Variants in PRIM2 observed in about 807,000 individuals in gnomAD.
The protein encoded by PRIM2 is DNA primase subunit 2, also known as DNA primase large subunit.
Under a neutral mutation model 67.3 loss-of-function variants are expected in PRIM2, and 39 were observed. The ratio of observed to expected loss-of-function variants is 0.58; its 90% CI spans 0.45 to 0.76. The LOEUF is 0.76. Ranked by LOEUF, PRIM2 falls within the 30% of genes least tolerant of loss-of-function variation. PRIM2 has a pLI of 0.00. For missense variants in PRIM2, 398 were observed against 598.7 expected, an observed-to-expected ratio of 0.66 and a Z score of 3.50; for synonymous variants, 143 against 198.7, an observed-to-expected ratio of 0.72 and a Z score of 2.36.
intron 12 of PRIM2, among the ~76,000 whole-genome samples, chr6:57,620,912 A>G (rs1776841187): frequency 6.6e-6 from 1 of 152,294 alleles, no homozygotes; most frequent in Non-Finnish European, 1.5e-5. Flanking sequence ...TGGACACTGA[A>G]AGCAAGCAGG....
At chr6:57,641,979 C>T (rs1488335153) in intron 13 of PRIM2, among the ~76,000 whole-genome samples, 2 of 152,122 alleles carry the variant, frequency 1.3e-5, no homozygotes, top group African/African-American at 4.8e-5. Flanking sequence ...TTGGAACCAA[C>T]CCAAATGCCC....
chr6:57,431,320 T>C (rs1771820336), intron 7 of PRIM2, among the ~76,000 whole-genome samples: 1 of 152,144 alleles, frequency 6.6e-6, no homozygotes, highest in Non-Finnish European at 1.5e-5. Flanking sequence ...AACTGTGAAC[T>C]ACCTCAGTTC....
the PRIM2 span, among the ~76,000 whole-genome samples, chr6:57,293,946 C>A: frequency 1.3e-5 from 2 of 151,762 alleles, no homozygotes. Context: ...GCACATGCAC[C>A]CTACAACTTA....
chr6:57,525,227 C>G (rs1311527265), intron 8 of PRIM2, among the ~76,000 whole-genome samples: 9 of 152,166 alleles, frequency 5.9e-5, no homozygotes, highest in Non-Finnish European at 1.2e-4. Flanking sequence ...TTCCAAAATG[C>G]TACGCCCTTA....
intron 7 of PRIM2, among the ~76,000 whole-genome samples, chr6:57,457,335 G>T (rs1367640407): frequency 6.6e-6 from 1 of 152,204 alleles, no homozygotes; most frequent in African/African-American, 2.4e-5. Context: ...GGACATTTAA[G>T]TCTGCAGAGG....
chr6:57,291,458 A>G, the PRIM2 span, among the ~76,000 whole-genome samples: 36 of 152,318 alleles, frequency 2.4e-4, no homozygotes, highest in African/African-American at 7.9e-4. Context: ...AACTATTCCA[A>G]ACAATAGAAA....
At chr6:57,628,849 A>G (rs1306778360) in intron 12 of PRIM2, among the ~76,000 whole-genome samples, 9 of 152,116 alleles carry the variant, frequency 5.9e-5, no homozygotes, top group Non-Finnish European at 1.3e-4. Flanking sequence ...ATAGTACTCC[A>G]TGGTGCATAA....
chr6:57,597,052 G>T (rs1776379792), intron 10 of PRIM2, among the ~76,000 whole-genome samples: 2 of 151,352 alleles, frequency 1.3e-5, no homozygotes, highest in Non-Finnish European at 2.9e-5. Context: ...CCTCCTATGA[G>T]TAGATGTTTT....
intron 7 of PRIM2, among the ~76,000 whole-genome samples, chr6:57,456,049 T>C (rs1772764568): frequency 6.6e-6 from 1 of 152,110 alleles, no homozygotes; most frequent in South Asian, 2.1e-4. Context: ...TTATGAAGCT[T>C]AGTTTGGCTG....
intron 7 of PRIM2, among the ~76,000 whole-genome samples, chr6:57,463,973 C>CT (rs1466214168): frequency 6.6e-6 from 1 of 152,114 alleles, no homozygotes; most frequent in African/African-American, 2.4e-5. Context: ...GACATAAGAT[C>CT]TTCTTTATCC....
At chr6:57,455,116 T>C (rs1327341916) in intron 7 of PRIM2, among the ~76,000 whole-genome samples, 1 of 152,222 alleles carries the variant, frequency 6.6e-6, no homozygotes, top group Non-Finnish European at 1.5e-5. Context: ...TTCTTAATCC[T>C]GAGTTCTAGT....
the PRIM2 span, among the ~76,000 whole-genome samples, chr6:57,252,909 G>A: frequency 6.6e-6 from 1 of 152,188 alleles, no homozygotes; most frequent in Admixed American, 6.5e-5. Flanking sequence ...TGATCAGAAA[G>A]CAGATCTGTT....
At chr6:57,627,615 C>T (rs1163438766) in intron 12 of PRIM2, among the ~76,000 whole-genome samples, 1 of 152,020 alleles carries the variant, frequency 6.6e-6, no homozygotes, top group African/African-American at 2.4e-5. Flanking sequence ...TCTTGAACTC[C>T]TGACCTCATG....
At chr6:57,365,949 C>CAAAAAAAAAAAA (rs5876544) in intron 5 of PRIM2, among the ~76,000 whole-genome samples, 3 of 62,646 alleles carry the variant, frequency 4.8e-5, no homozygotes, top group African/African-American at 5.3e-5. Flanking sequence ...GACCATATCT[C>CAAAAAAAAAAAA]AAAAAAAAAA....
At chr6:57,289,844 C>T in the PRIM2 span, among the ~76,000 whole-genome samples, 5 of 152,146 alleles carry the variant, frequency 3.3e-5, no homozygotes, top group African/African-American at 4.8e-5. Flanking sequence ...CCACCCACTA[C>T]AAAAACATGC....
At chr6:57,325,823 T>A in intron 4 of PRIM2, 102 bp from the exon 5 acceptor site, 10 of 1,189,394 alleles carry the variant, frequency 8.4e-6, no homozygotes, top group Non-Finnish European at 1.2e-5. Context: ...CTGCTGTCCA[T>A]TGGCATCTTG....
chr6:57,487,993 A>G (rs2127408371), intron 7 of PRIM2, among the ~76,000 whole-genome samples: 1 of 152,244 alleles, frequency 6.6e-6, no homozygotes, highest in East Asian at 1.9e-4. Flanking sequence ...AGCTGTGTAA[A>G]ATTGGGACTA....
intron 7 of PRIM2, among the ~76,000 whole-genome samples, chr6:57,403,293 G>C (rs1167500998): frequency 2.3e-5 from 3 of 128,636 alleles, no homozygotes; most frequent in African/African-American, 9.1e-5. Context: ...GTCTCGCTCT[G>C]TTGCCCAGGC....
At chr6:57,414,714 C>A (rs1258976597) in intron 7 of PRIM2, among the ~76,000 whole-genome samples, 2 of 152,072 alleles carry the variant, frequency 1.3e-5, no homozygotes, top group African/African-American at 2.4e-5. Context: ...TGCCTATCAG[C>A]CTGCTGGACT....
Sources: gnomAD v4.1 joint callset for allele counts (sites outside exome capture counted in the v4.1 genomes callset) on GRCh38, gnomAD v4.1.1 for gene constraint, MANE v1.5 for transcripts, NCBI Gene and HGNC (gene_info 2026-07-23, HGNC 2026-07-21) for gene names.